USP32: variants seen among roughly 807,000 people sequenced by gnomAD.
USP32 encodes ubiquitin carboxyl-terminal hydrolase 32.
USP32 carries 59 observed loss-of-function variants against 204.8 expected under a neutral mutation model. The ratio of observed to expected loss-of-function variants is 0.29; its 90% CI spans 0.23 to 0.36. The LOEUF (loss-of-function observed/expected upper bound fraction) is 0.36, where lower values mean the gene tolerates loss of function less well. Among genes scored for constraint, USP32 ranks in the 10% least tolerant of loss-of-function variants. The pLI, the probability that USP32 is intolerant of heterozygous loss-of-function variation, is 1.00. For missense variants in USP32, 1,160 were observed against 1,946.4 expected (o/e 0.60, Z 7.60); for synonymous variants, 517 against 678.4 (o/e 0.76, Z 3.70).
chr17:60,292,217 G>T (rs763485021), intron 4 of USP32, among the ~76,000 whole-genome samples: 8 of 151,572 alleles, frequency 5.3e-5, no homozygotes, highest in Admixed American at 1.3e-4. Context: ...GGTCTGTTTT[G>T]AGTCCTCTTC....
Position 60,404,039 on chromosome 17 carries a change from C to CA in USP32, c.106+18206dup, listed in dbSNP as rs76866814. On this transcript the variant is annotated intron_variant, in intron 1 of 3. Transcript: ENST00000588898. ...TGGGTGACAGGGCGAGACCCTGCCTCAAAAAAAAAAAAAAAGGAAAAGAAA... is the reference window on the plus strand; with the variant it reads ...TGGGTGACAGGGCGAGACCCTGCCTCAAAAAAAAAAAAAAAAGGAAAAGAAA... 3.9e-3 allele frequency among the ~76,000 whole-genome samples: 395 copies of CA among 101,398 alleles called. 2 individuals are homozygous for CA. The highest frequency in any genetic ancestry group is 0.014 in the East Asian group (51 of 3,636). 66.5% of individuals were successfully genotyped at this position (101,398 alleles called of 152,430 possible). A position where few individuals can be genotyped will look rare whatever the true frequency, so the allele number is the denominator to read the frequency against.
Position 60,392,101 on chromosome 17 carries a change from C to T in USP32, c.-162G>A. The T allele has an allele frequency of 1.0e-5, 7 of 693,516 alleles. No homozygotes were observed. The highest frequency in any genetic ancestry group is 1.4e-5 in the Non-Finnish European group (6 of 434,844). 43.0% of individuals were successfully genotyped at this position (693,516 alleles called of 1,614,324 possible). A position where few individuals can be genotyped will look rare whatever the true frequency, so the allele number is the denominator to read the frequency against. On this transcript the variant is annotated 5_prime_UTR_variant, in exon 1 of 34. Coordinates refer to ENST00000300896, the MANE Select transcript of USP32 (RefSeq NM_032582.4). The stretch of plus-strand genomic sequence containing the variant: ...CGGCTTCTGCCCCGGCGGCTCCTCC[C>T]GGTCGCCGCCACCGCCTCCATGCCG...
At chr17:60,333,689 AAG>A (rs2088445249) in intron 2 of USP32, among the ~76,000 whole-genome samples, 2 of 150,060 alleles carry the variant, frequency 1.3e-5, no homozygotes, top group Non-Finnish European at 3.0e-5. Context: ...AGGGAAAGAA[AAG>A]AGAGGAGAGG....
chr17:60,263,360 C>T (rs1203414775), intron 9 of USP32, among the ~76,000 whole-genome samples: 17 of 152,112 alleles, frequency 1.1e-4, no homozygotes, highest in Admixed American at 1.1e-3. Context: ...ATTAAATAGT[C>T]AACAGATGAA....
At chr17:60,268,714 A>G (rs1319583101) in intron 7 of USP32, among the ~76,000 whole-genome samples, 4 of 152,176 alleles carry the variant, frequency 2.6e-5, no homozygotes, top group African/African-American at 9.7e-5. Context: ...TTTTTAGTTG[A>G]AAAATTATTT....
intron 1 of USP32, among the ~76,000 whole-genome samples, chr17:60,409,238 C>G (rs1216984880): frequency 6.6e-6 from 1 of 152,180 alleles, no homozygotes. Flanking sequence ...ATCCCCGCTG[C>G]TAGAGGGGCT....
At position 60,392,006 on chromosome 17, in the gene USP32, C is replaced by CTCGGCGTCCCTGGGTGACGGTGACGGTG; in HGVS notation, c.-95_-68dup. On this transcript the variant is annotated 5_prime_UTR_variant, in exon 1 of 34. Coordinates refer to ENST00000300896, the MANE Select transcript of USP32 (RefSeq NM_032582.4). ...GCCCCCACCCCCCTCCCGCCTTCTC[C>CTCGGCGTCCCTGGGTGACGGTGACGGTG]TCGGCGTCCCTGGGTGACGGTGACG... 6.5e-7 allele frequency: 1 copy of CTCGGCGTCCCTGGGTGACGGTGACGGTG among 1,537,776 alleles called. No individual in the cohort carries two copies. Among genetic ancestry groups the CTCGGCGTCCCTGGGTGACGGTGACGGTG allele is most frequent in the Non-Finnish European group, 8.8e-7 (1 of 1,134,724 alleles).
chr17:60,254,361 C>T (rs1164095188), intron 10 of USP32, among the ~76,000 whole-genome samples: 1 of 152,126 alleles, frequency 6.6e-6, no homozygotes, highest in Non-Finnish European at 1.5e-5. Flanking sequence ...AATTAGGAAA[C>T]AGCCTCATAC....
chr17:60,396,539 A>G (rs1567895732), upstream of USP32, among the ~76,000 whole-genome samples: 1 of 152,188 alleles, frequency 6.6e-6, no homozygotes, highest in Non-Finnish European at 1.5e-5. Flanking sequence ...TTCTTTTAAA[A>G]ATGCTGGCTG....
At chr17:60,276,619 A>G (rs1005381341) in intron 5 of USP32, among the ~76,000 whole-genome samples, 5 of 152,220 alleles carry the variant, frequency 3.3e-5, no homozygotes, top group African/African-American at 9.6e-5. Flanking sequence ...TAGGTGTTCA[A>G]TAAGTACTTC....
At chr17:60,255,476 T>C (rs1009851421) in intron 9 of USP32, among the ~76,000 whole-genome samples, 5 of 152,072 alleles carry the variant, frequency 3.3e-5, no homozygotes, top group Non-Finnish European at 7.4e-5. Flanking sequence ...TTTTTGTGTT[T>C]TTCAGTAGAA....
At chr17:60,249,466 C>G (rs2086114294) in intron 11 of USP32, 1 of 423,392 alleles carries the variant, frequency 2.4e-6, no homozygotes, top group Non-Finnish European at 4.2e-6. Flanking sequence ...TAGTCTGCTG[C>G]TTCCCCTAAC....
chr17:60,414,219 T>G lies in USP32; in HGVS notation c.106+8027A>C, dbSNP rs181234660. ...CTCTACTAAAAATACAAAAATTAGC[T>G]AGGCATGGTGGCATAAGCCTGTAAT... On this transcript the variant is annotated intron_variant, in intron 1 of 3. Coordinates refer to the USP32 transcript ENST00000588898. 1.3e-3 allele frequency among the ~76,000 whole-genome samples: 201 copies of G among 151,522 alleles called. 1 individual carries two copies. Among genetic ancestry groups the G allele is most frequent in the African/African-American group, 4.5e-3 (185 of 41,398 alleles).
chr17:60,245,987 G>C (rs1004598627), intron 11 of USP32, among the ~76,000 whole-genome samples: 1 of 151,668 alleles, frequency 6.6e-6, no homozygotes, highest in Admixed American at 6.6e-5. Flanking sequence ...TGGTAATTAG[G>C]ATATTCATCA....
chr17:60,314,953 C>G (rs2087937594), intron 2 of USP32, among the ~76,000 whole-genome samples: 1 of 152,040 alleles, frequency 6.6e-6, no homozygotes, highest in South Asian at 2.1e-4. Flanking sequence ...AAAAAAACAG[C>G]CTAGGATTAT....
intron 2 of USP32, among the ~76,000 whole-genome samples, chr17:60,302,872 T>C (rs2087621090): frequency 6.6e-6 from 1 of 152,132 alleles, no homozygotes; most frequent in African/African-American, 2.4e-5. Flanking sequence ...AAACTATGCA[T>C]AGGAAAGGGA....
chr17:60,266,803 T>C (rs998912185), intron 7 of USP32, among the ~76,000 whole-genome samples: 23 of 152,002 alleles, frequency 1.5e-4, no homozygotes. Flanking sequence ...TATAGACACG[T>C]GCCACCATGC....
intron 5 of USP32, among the ~76,000 whole-genome samples, chr17:60,284,511 C>G (rs1056378468): frequency 6.6e-6 from 1 of 151,972 alleles, no homozygotes; most frequent in Admixed American, 6.5e-5. Flanking sequence ...TGAGCCACCA[C>G]GCCCAGCCTA....
intron 1 of USP32, among the ~76,000 whole-genome samples, chr17:60,348,038 C>T (rs926927648): frequency 4.0e-5 from 6 of 151,538 alleles, no homozygotes; most frequent in South Asian, 2.1e-4. Flanking sequence ...AGGAGAATGG[C>T]GTGAACTCGG....
Sources: gnomAD v4.1 joint callset for allele counts (sites outside exome capture counted in the v4.1 genomes callset) on GRCh38, gnomAD v4.1.1 for gene constraint, MANE v1.5 for transcripts, NCBI Gene and HGNC (gene_info 2026-07-23, HGNC 2026-07-21) for gene names.